NEBL: variants seen among roughly 807,000 people sequenced by gnomAD.
NEBL encodes nebulette.
Under a neutral mutation model 140.2 loss-of-function variants are expected in NEBL, and 122 were observed. That is an observed-to-expected ratio of 0.87 (90% confidence interval 0.75 to 1.01). The LOEUF (loss-of-function observed/expected upper bound fraction) is 1.01, where lower values mean the gene tolerates loss of function less well. Ranked by LOEUF, NEBL falls within the 50% of genes least tolerant of loss-of-function variation. The pLI is 0.00. For missense variants in NEBL, 1,365 were observed against 1,231.3 expected, an observed-to-expected ratio of 1.11 and a Z score of -1.62; for synonymous variants, 436 against 398.9, an observed-to-expected ratio of 1.09 and a Z score of -1.11.
chr10:21,099,338 C>T (rs1837360286), intron 2 of NEBL, among the ~76,000 whole-genome samples: 1 of 152,084 alleles, frequency 6.6e-6, no homozygotes. Flanking sequence ...AGCTTGCTTC[C>T]CTCCTCTCCT....
Position 21,221,921 on chromosome 10 carries a change from T to A in NEBL, n.348+26000A>T, listed in dbSNP as rs547992068. ...ATAAACACTGAGACCTAGGTGCCCA[T>A]CCTGACTGCATGGCGTTGAGTGATG... is the stretch of plus-strand genomic sequence containing the variant. On this transcript the variant is annotated intron_variant and non_coding_transcript_variant, in intron 3 of 8. Coordinates refer to the NEBL transcript ENST00000675702. 1.7e-3 allele frequency among the ~76,000 whole-genome samples: 265 copies of A among 152,088 alleles called. 2 individuals carry two copies. The highest frequency in any genetic ancestry group is 4.7e-4 in the Non-Finnish European group (32 of 67,984).
At chr10:20,973,461 G>T (rs949483839) in intron 3 of NEBL, among the ~76,000 whole-genome samples, 6 of 151,928 alleles carry the variant, frequency 3.9e-5, no homozygotes, top group Non-Finnish European at 8.8e-5. Context: ...TATTTCCCAG[G>T]CTGGTCTCAA....
intron 2 of NEBL, among the ~76,000 whole-genome samples, chr10:21,107,486 G>A (rs1333567963): frequency 1.3e-5 from 2 of 152,200 alleles, no homozygotes; most frequent in African/African-American, 4.8e-5. Context: ...ATTTGCATAT[G>A]TTGAATCAGC....
intron 4 of NEBL, among the ~76,000 whole-genome samples, chr10:20,885,298 T>A (rs1846408511): frequency 1.3e-5 from 2 of 152,198 alleles, no homozygotes; most frequent in East Asian, 3.8e-4. Context: ...TTAACAATAA[T>A]AAAATCGATG....
chr10:21,126,080 G>A lies in NEBL; in HGVS notation c.164+46303C>T, dbSNP rs763268460. On this transcript the variant is annotated intron_variant, in intron 2 of 6. Coordinates refer to the NEBL transcript ENST00000417816. ...CTGGTCTCCCCAACCAGCTTCCTGG[G>A]AGGCCTCAGGCCCTTCTCGGCTCTC... is the stretch of plus-strand genomic sequence containing the variant. 4.3e-6 allele frequency: 7 copies of A among 1,613,994 alleles called. No homozygotes were observed. In the African/African-American group the frequency reaches 9.3e-5, roughly 22 times the overall value.
chr10:20,848,956 A>G (rs1842225292), intron 11 of NEBL, among the ~76,000 whole-genome samples: 2 of 152,218 alleles, frequency 1.3e-5, no homozygotes, highest in Admixed American at 1.3e-4. Context: ...AGCATAGTTA[A>G]TGCTTACAAA....
chr10:21,235,401 C>T (rs764747549), intron 3 of NEBL, among the ~76,000 whole-genome samples: 1 of 152,068 alleles, frequency 6.6e-6, no homozygotes, highest in Non-Finnish European at 1.5e-5. Context: ...TGCAGTGGCG[C>T]GATCTCGGGT....
In NEBL at chr10:20,880,913, C is replaced by T. The variant is rs565138807; in HGVS notation, c.370-9G>A. 1 of 1,610,992 alleles carries T rather than the reference C, an allele frequency of 6.2e-7. No homozygotes were observed. Among genetic ancestry groups the T allele is most frequent in the East Asian group, 2.2e-5 (1 of 44,826 alleles). ...TTCTGCTTGTAGGCCACCTGAAAAA[C>T]ACAAATAATTTTTAGTCCCATTTAG... On this transcript the variant is annotated splice_polypyrimidine_tract_variant and intron_variant, in intron 4 of 27. Coordinates refer to ENST00000377122, the MANE Select transcript of NEBL (RefSeq NM_006393.3).
intron 3 of NEBL, among the ~76,000 whole-genome samples, chr10:21,230,580 T>C (rs1045163246): frequency 2.0e-5 from 3 of 151,682 alleles, no homozygotes; most frequent in Non-Finnish European, 4.4e-5. Context: ...ATTTTAAGCT[T>C]AAGATCATCT....
intron 11 of NEBL, among the ~76,000 whole-genome samples, chr10:20,846,728 C>T (rs545883627): frequency 3.3e-5 from 5 of 152,142 alleles, no homozygotes; most frequent in East Asian, 1.9e-4. Context: ...TATGCATTCA[C>T]GCATGCATTT....
At chr10:21,019,533 G>T (rs1589141913) in intron 3 of NEBL, among the ~76,000 whole-genome samples, 1 of 152,244 alleles carries the variant, frequency 6.6e-6, no homozygotes, top group South Asian at 2.1e-4. Flanking sequence ...TGCAGAAAAC[G>T]CTGCCACTCA....
intron 2 of NEBL, among the ~76,000 whole-genome samples, chr10:20,896,483 C>CATATATATATCTATATATAT (rs1847491199): frequency 1.1e-5 from 1 of 88,080 alleles, no homozygotes; most frequent in Non-Finnish European, 2.3e-5. Flanking sequence ...ATATTATATG[C>CATATATATATCTATATATAT]ATATATATAT....
Position 21,061,470 on chromosome 10 carries a change from AT to A in NEBL, c.165-41270del, listed in dbSNP as rs1564497274. ...TCGTATATTACATGATATATGATAT[AT>A]CATATATTACATCATATATGATATA... On this transcript the variant is annotated intron_variant, in intron 2 of 6. Transcript: ENST00000417816. Among the ~76,000 whole-genome samples the A allele has an allele frequency of 2.7e-5, 4 of 148,404 alleles. No homozygotes were observed. In the East Asian group the frequency reaches 7.8e-4, roughly 29 times the overall value.
At chr10:20,854,677 A>T (rs1842877947) in intron 9 of NEBL, among the ~76,000 whole-genome samples, 1 of 140,222 alleles carries the variant, frequency 7.1e-6, no homozygotes, top group African/African-American at 2.7e-5. Flanking sequence ...CAATCTTCCC[A>T]TCTTAGCCTC....
intron 3 of NEBL, among the ~76,000 whole-genome samples, chr10:21,182,438 T>G (rs900616372): frequency 6.6e-6 from 1 of 152,190 alleles, no homozygotes; most frequent in Non-Finnish European, 1.5e-5. Flanking sequence ...ATCGTGCCAC[T>G]GCACTCCAGC....
At chr10:20,833,983 G>C (rs1840657265) in intron 14 of NEBL, among the ~76,000 whole-genome samples, 1 of 152,068 alleles carries the variant, frequency 6.6e-6, no homozygotes, top group Non-Finnish European at 1.5e-5. Flanking sequence ...TGAAGATTGG[G>C]GAAAGCTAAC....
chr10:21,137,547 T>C (rs1589272554), intron 2 of NEBL, among the ~76,000 whole-genome samples: 1 of 152,120 alleles, frequency 6.6e-6, no homozygotes. Context: ...CCCCATTAGG[T>C]TTTCAGTCTT....
At chr10:20,799,277 T>C (rs1033827718) in intron 26 of NEBL, among the ~76,000 whole-genome samples, 1 of 152,184 alleles carries the variant, frequency 6.6e-6, no homozygotes, top group African/African-American at 2.4e-5. Flanking sequence ...TGCCTCAGCA[T>C]CCTAAGTAGT....
At chr10:20,874,712 G>C (rs1337720280) in intron 5 of NEBL, among the ~76,000 whole-genome samples, 1 of 152,226 alleles carries the variant, frequency 6.6e-6, no homozygotes, top group East Asian at 1.9e-4. Context: ...AATCTAGAGA[G>C]TTCTAACACA....
Sources: gnomAD v4.1 joint callset for allele counts (sites outside exome capture counted in the v4.1 genomes callset) on GRCh38, gnomAD v4.1.1 for gene constraint, MANE v1.5 for transcripts, NCBI Gene and HGNC (gene_info 2026-07-23, HGNC 2026-07-21) for gene names.